The following NUP107 variants were observed in gnomAD, a reference collection of about 807,000 sequenced individuals.
NUP107 encodes nuclear pore complex protein Nup107.
A neutral mutation model predicts 141.0 loss-of-function variants in NUP107; 101 were observed. The ratio of observed to expected loss-of-function variants is 0.72; its 90% confidence interval spans 0.61 to 0.84. The LOEUF (loss-of-function observed/expected upper bound fraction) is 0.84, where lower values mean the gene tolerates loss of function less well. Among genes scored for constraint, NUP107 ranks in the 40% least tolerant of loss-of-function variants. The pLI is 0.00. For synonymous variants in NUP107, 319 were observed against 363.9 expected (o/e 0.88, Z 1.41); for missense variants, 941 against 1,102.7 (o/e 0.85, Z 2.08).
intron 8 of NUP107, chr12:68,705,933 C>G: frequency 3.3e-6 from 3 of 914,836 alleles, no homozygotes; most frequent in Middle Eastern, 2.5e-4. Context: ...CCCTCAACAA[C>G]AAGTTTGCCT....
intron 3 of NUP107, chr12:68,690,356 T>G: frequency 2.2e-6 from 1 of 460,272 alleles, no homozygotes; most frequent in Non-Finnish European, 3.9e-6. Context: ...CGTTGACTGA[T>G]TAGTGTCTTT....
chr12:68,707,093 A>G lies in NUP107; in HGVS notation c.730-2145A>G, dbSNP rs1245848142. ...GTGAACAGCCGTGACAGCCCCTTCT[A>G]GCCTACCCCTTCTGCGGCTGCCCCA... On this transcript the variant is annotated intron_variant, in intron 8 of 27. Transcript: ENST00000229179. 22 of 568,716 alleles carry G rather than the reference A, an allele frequency of 3.9e-5. 2 individuals are homozygous for G. In the South Asian group the frequency reaches 4.4e-4, roughly 11 times the overall value. 35.2% of individuals were successfully genotyped at this position (568,716 alleles called of 1,614,324 possible). A position where few individuals can be genotyped will look rare whatever the true frequency, so the allele number is the denominator to read the frequency against.
At chr12:68,734,574 A>G (rs1330700027) in intron 24 of NUP107, 134 bp from the exon 25 acceptor site, 2 of 663,176 alleles carry the variant, frequency 3.0e-6, no homozygotes, top group Non-Finnish European at 5.0e-6. Context: ...AGGGAAAAAA[A>G]TATATATTGA....
intron 7 of NUP107, 135 bp from the exon 8 acceptor site, chr12:68,702,601 C>T (rs1037111803): frequency 1.7e-5 from 10 of 591,506 alleles, no homozygotes; most frequent in African/African-American, 6.0e-5. Flanking sequence ...TACAGATATA[C>T]ATATTTGAAA....
intron 7 of NUP107, among the ~76,000 whole-genome samples, chr12:68,702,378 G>C (rs907047136): frequency 1.6e-4 from 24 of 152,090 alleles, no homozygotes; most frequent in African/African-American, 5.3e-4. Flanking sequence ...ACCCACCTCA[G>C]CCTCCCAAAA....
chr12:68,703,755 G>A (rs1254941566), intron 8 of NUP107, among the ~76,000 whole-genome samples: 4 of 152,222 alleles, frequency 2.6e-5, no homozygotes, highest in African/African-American at 9.6e-5. Context: ...GGCTTATACT[G>A]AGAGTTTTAA....
At chr12:68,691,308 C>T (rs547615652) in intron 4 of NUP107, among the ~76,000 whole-genome samples, 2 of 152,234 alleles carry the variant, frequency 1.3e-5, no homozygotes, top group East Asian at 1.9e-4. Context: ...TGGTTGGTTG[C>T]TGATGGCTAT....
chr12:68,687,113 C>T (rs751484698), intron 1 of NUP107, 40 bp downstream of exon 1: 2 of 1,612,832 alleles, frequency 1.2e-6, no homozygotes, highest in African/African-American at 2.7e-5. Flanking sequence ...AAGTCTTGCC[C>T]GTCTCGCCTG....
rs375130249 is a variant in NUP107, at chr12:68,693,570, C to G, written c.448+1458C>G. 1.3e-3 allele frequency among the ~76,000 whole-genome samples: 197 copies of G among 152,318 alleles called. 1 individual carries two copies. The South Asian group carries it at 0.019, about 15-fold the overall frequency. ...AAGGTCTTGGCAGGGTTGGTTTTCT[C>G]TGAAGCCTCTTCTCTTGGCTTACAG... On this transcript the variant is annotated intron_variant, in intron 5 of 27. Transcript: ENST00000229179.
intron 26 of NUP107, 72 bp from the exon 27 acceptor site, chr12:68,741,741 G>A: frequency 7.0e-7 from 1 of 1,419,464 alleles, no homozygotes. Context: ...GTTTGATTCA[G>A]TACCTGGCTT....
At position 68,700,841 on chromosome 12, in the gene NUP107, C is replaced by T. The variant is rs1876296482; in HGVS notation, c.668C>T (p.Ala223Val). The T allele has an allele frequency of 6.3e-7, 1 of 1,595,430 alleles. No individual in the cohort carries two copies. Among genetic ancestry groups the T allele is most frequent in the Admixed American group, 1.9e-5 (1 of 53,904 alleles). ...GAGATGGTCACATGGAGGCTGCTGG[C>T]TTCTTTGTATAGGTAATGGCGTCTA... The part of the protein sequence containing the change: ...QQEMVTWRLL[A>V]SLYRDRIQSA... The change falls in exon 7 of 28, where the codon GCT becomes GTT. Residue 223 changes from alanine to valine, a missense_variant. Coordinates refer to ENST00000229179, the MANE Select transcript of NUP107 (RefSeq NM_020401.4).
chr12:68,698,956 A>G (rs1876195521), intron 6 of NUP107, among the ~76,000 whole-genome samples: 1 of 152,180 alleles, frequency 6.6e-6, no homozygotes, highest in Non-Finnish European at 1.5e-5. Flanking sequence ...ATGTGTCAAT[A>G]TAAGTTCCTC....
chr12:68,741,055 G>T lies in NUP107; in HGVS notation c.2503-758G>T, dbSNP rs181092449. Among the ~76,000 whole-genome samples the T allele has an allele frequency of 3.7e-3, 557 of 148,898 alleles. 3 individuals carry two copies. The highest frequency in any genetic ancestry group is 0.013 in the African/African-American group (540 of 40,582). On this transcript the variant is annotated intron_variant, in intron 26 of 27. Coordinates refer to ENST00000229179, the MANE Select transcript of NUP107 (RefSeq NM_020401.4). ...AGTGAGATGCTGTCTCAGAAAAGAA[G>T]AAAAAGGTTAAAAAAGAAAAGAAAA...
chr12:68,740,996 T>C (rs1316615619), intron 26 of NUP107, among the ~76,000 whole-genome samples: 1 of 151,718 alleles, frequency 6.6e-6, no homozygotes, highest in Non-Finnish European at 1.5e-5. Context: ...CAGAGAGCCA[T>C]GATTGTACCA....
At chr12:68,723,664 C>T (rs1877443628) in intron 17 of NUP107, among the ~76,000 whole-genome samples, 1 of 152,142 alleles carries the variant, frequency 6.6e-6, no homozygotes, top group African/African-American at 2.4e-5. Context: ...ATTCATACTT[C>T]CACAAGTAAT....
rs140291547 is a variant in NUP107 at position 68,719,665 on chromosome 12, T to C, written c.1251+11T>C. 2.4e-4 allele frequency: 370 copies of C among 1,573,766 alleles called. No homozygotes were observed. In the African/African-American group the frequency reaches 4.6e-3, roughly 19 times the overall value. ...AGAATGGCAGAAGATGTAAGATAAA[T>C]AAAATATTCAGTGATACTGTTTTTA... On this transcript the variant is annotated intron_variant, in intron 14 of 27. Transcript: ENST00000229179.
chr12:68,715,541 T>G lies in NUP107; in HGVS notation c.970-86T>G, dbSNP rs1032027736. The G allele has an allele frequency of 1.9e-5, 14 of 738,714 alleles. No individual in the cohort carries two copies. The East Asian group carries it at 2.5e-4, about 13-fold the overall frequency. The allele number at this position is 738,714 out of a possible 1,614,324, so 45.8% of individuals were successfully genotyped here. On this transcript the variant is annotated intron_variant, in intron 11 of 27. Transcript: ENST00000229179. The stretch of plus-strand genomic sequence containing the variant: ...AATTTATTTGTGTATAAACTCAGGA[T>G]AGGTTTATCATCTCTTGATGATGTG...
Position 68,715,564 on chromosome 12 carries a change from G to T in NUP107, c.970-63G>T, listed in dbSNP as rs74332187. The T allele has an allele frequency of 0.042, 35,586 of 841,910 alleles. 945 individuals are homozygous for T. The highest frequency in any genetic ancestry group is 0.053 in the Non-Finnish European group (26,118 of 492,330). The allele number at this position is 841,910 out of a possible 1,614,324, so 52.2% of individuals were successfully genotyped here. A position where few individuals can be genotyped will look rare whatever the true frequency, so the allele number is the denominator to read the frequency against. On this transcript the variant is annotated intron_variant, in intron 11 of 27. Transcript: ENST00000229179. ...GATAGGTTTATCATCTCTTGATGAT[G>T]TGTAAAATGTATGTAAGTACAAAGG...
chr12:68,719,418 T>C lies in NUP107; in HGVS notation c.1161T>C (p.Pro387=). The change falls in exon 13 of 28, where the codon CCT becomes CCC. Residue 387 remains proline (P), a synonymous_variant. Transcript: ENST00000229179. ...TLEGWKLYHD[P]NVNGGTELEP... ...AAGGCTGGAAACTGTACCATGACCC[T>C]AATGTTAATGGAGGTATTTTAGTAG... 6.2e-7 allele frequency: 1 copy of C among 1,613,684 alleles called. No homozygotes were observed. Among genetic ancestry groups the C allele is most frequent in the Non-Finnish European group, 8.5e-7 (1 of 1,179,596 alleles).
Sources: allele counts gnomAD v4.1 joint callset (sites outside exome capture counted in the v4.1 genomes callset), GRCh38; gene constraint gnomAD v4.1.1; transcripts MANE v1.5; gene names NCBI Gene and HGNC (gene_info 2026-07-23, HGNC 2026-07-21).